Variants in COMMD1 observed in about 807,000 individuals in gnomAD.
COMMD1 encodes copper metabolism domain containing 1.
COMMD1 carries 10 observed loss-of-function variants against 17.2 expected under a neutral mutation model. That is an observed-to-expected ratio of 0.58 (90% confidence interval 0.36 to 0.99). The LOEUF (loss-of-function observed/expected upper bound fraction) is 0.99, where lower values mean the gene tolerates loss of function less well. Among genes scored for constraint, COMMD1 ranks in the 50% least tolerant of loss-of-function variants. The pLI is 0.01. For missense variants in COMMD1, 270 were observed against 231.8 expected, an observed-to-expected ratio of 1.17 and a Z score of -1.07; for synonymous variants, 97 against 91.6, an observed-to-expected ratio of 1.06 and a Z score of -0.34.
chr2:61,914,171 C>T (rs1403087957), intron 1 of COMMD1, among the ~76,000 whole-genome samples: 1 of 151,512 alleles, frequency 6.6e-6, no homozygotes, highest in African/African-American at 2.4e-5. Flanking sequence ...GACTCCATCT[C>T]AAATAAATAA....
At chr2:61,974,081 G>A (rs1671724074) in intron 1 of COMMD1, among the ~76,000 whole-genome samples, 1 of 152,116 alleles carries the variant, frequency 6.6e-6, no homozygotes, top group Non-Finnish European at 1.5e-5. Flanking sequence ...ATCACTTGAG[G>A]TCAGGAGTTT....
chr2:61,921,902 T>C lies in COMMD1; in HGVS notation c.180+16044T>C, dbSNP rs980269791. ...CTGGAAGATTGGTTTTTTAAACTAT[T>C]ATTTAACTTTACAGTTATTCTTGTT... On this transcript the variant is annotated intron_variant, in intron 1 of 2. Coordinates refer to ENST00000311832, the MANE Select transcript of COMMD1 (RefSeq NM_152516.4). Among the ~76,000 whole-genome samples, 3 of 152,154 alleles carry C rather than the reference T, an allele frequency of 2.0e-5. No individual in the cohort carries two copies. In the South Asian group the frequency reaches 6.2e-4, roughly 32 times the overall value.
At chr2:62,013,274 A>G (rs1484045282) in intron 2 of COMMD1, among the ~76,000 whole-genome samples, 1 of 152,098 alleles carries the variant, frequency 6.6e-6, no homozygotes, top group African/African-American at 2.4e-5. Flanking sequence ...AAAAAAATAC[A>G]AAACAACAAA....
intron 2 of COMMD1, among the ~76,000 whole-genome samples, chr2:62,089,359 C>T (rs1216246409): frequency 3.3e-5 from 5 of 149,984 alleles, no homozygotes; most frequent in South Asian, 4.2e-4. Context: ...GATCTTGGCT[C>T]GTTGCAACCT....
chr2:62,101,557 C>A (rs1265225712), intron 2 of COMMD1, among the ~76,000 whole-genome samples: 1 of 152,122 alleles, frequency 6.6e-6, no homozygotes, highest in African/African-American at 2.4e-5. Flanking sequence ...CTGCAGTGAT[C>A]CCTGATTGCA....
chr2:61,912,778 C>T (rs1375390411), intron 1 of COMMD1, among the ~76,000 whole-genome samples: 2 of 151,828 alleles, frequency 1.3e-5, no homozygotes, highest in Non-Finnish European at 2.9e-5. Flanking sequence ...ACTACATGCT[C>T]ATTTACTTAT....
chr2:62,110,711 G>A (rs983164890), intron 2 of COMMD1, among the ~76,000 whole-genome samples: 15 of 151,992 alleles, frequency 9.9e-5, no homozygotes, highest in Admixed American at 3.3e-4. Context: ...AATTCTGCTT[G>A]TACTTTAACC....
intron 2 of COMMD1, among the ~76,000 whole-genome samples, chr2:62,112,424 C>T (rs1328618800): frequency 2.0e-5 from 3 of 152,218 alleles, no homozygotes; most frequent in Admixed American, 6.5e-5. Flanking sequence ...GGAACAATGT[C>T]AGGCCCCAGG....
chr2:61,900,810 C>T (rs142197005), upstream of COMMD1, among the ~76,000 whole-genome samples: 18 of 152,122 alleles, frequency 1.2e-4, no homozygotes, highest in Non-Finnish European at 1.9e-4. Flanking sequence ...TTGTAGGCTA[C>T]ATTTGGTGGG....
At chr2:62,063,837 A>ACT (rs1216307081) in intron 2 of COMMD1, among the ~76,000 whole-genome samples, 1 of 135,292 alleles carries the variant, frequency 7.4e-6, no homozygotes, top group African/African-American at 2.7e-5. Flanking sequence ...ATTCTTCCAG[A>ACT]CTGGACAACA....
chr2:62,070,368 C>T (rs1420784168), intron 2 of COMMD1: 5 of 151,730 alleles, frequency 3.3e-5, no homozygotes, highest in Non-Finnish European at 5.9e-5. Flanking sequence ...CCAGCTTGCA[C>T]AACATAGCGA....
At chr2:62,076,277 A>G (rs1671334771) in intron 2 of COMMD1, among the ~76,000 whole-genome samples, 1 of 152,258 alleles carries the variant, frequency 6.6e-6, no homozygotes, top group African/African-American at 2.4e-5. Flanking sequence ...TTGTTAGGAA[A>G]GGATGATTGT....
intron 1 of COMMD1, among the ~76,000 whole-genome samples, chr2:61,945,976 C>A (rs1670894882): frequency 6.6e-6 from 1 of 152,130 alleles, no homozygotes; most frequent in Non-Finnish European, 1.5e-5. Flanking sequence ...AATGTTGATG[C>A]TAGAGGGGTG....
At chr2:61,981,064 T>C (rs533596693) in intron 1 of COMMD1, among the ~76,000 whole-genome samples, 1 of 152,334 alleles carries the variant, frequency 6.6e-6, no homozygotes, top group South Asian at 2.1e-4. Flanking sequence ...TCTTGTCAGA[T>C]GGATAGTTTA....
intron 1 of COMMD1, among the ~76,000 whole-genome samples, chr2:61,930,521 A>C (rs1186915365): frequency 1.3e-5 from 2 of 151,956 alleles, no homozygotes; most frequent in East Asian, 3.9e-4. Context: ...ATGCCATTGC[A>C]CTCTATCCTG....
rs1270446366 is a variant in COMMD1 at position 61,915,576 on chromosome 2, A to T, written c.180+9718A>T. The T allele has an allele frequency of 2.3e-5, 8 of 340,880 alleles. No homozygotes were observed. The Admixed American group carries it at 2.6e-4, about 11-fold the overall frequency. 21.1% of individuals were successfully genotyped at this position (340,880 alleles called of 1,614,324 possible). A position where few individuals can be genotyped will look rare whatever the true frequency, so the allele number is the denominator to read the frequency against. ...TGATCATGTCTCACTTGCAGCCTTG[A>T]CCTCTTGGGCTCCAATGATCCTCCC... On this transcript the variant is annotated intron_variant, in intron 1 of 2. Coordinates refer to ENST00000311832, the MANE Select transcript of COMMD1 (RefSeq NM_152516.4).
chr2:61,964,361 C>T (rs900227329), intron 1 of COMMD1, among the ~76,000 whole-genome samples: 1 of 152,120 alleles, frequency 6.6e-6, no homozygotes, highest in African/African-American at 2.4e-5. Context: ...ACTGGGACTA[C>T]AGGCATGGAG....
chr2:62,070,558 A>AAC (rs1055847402), intron 2 of COMMD1, among the ~76,000 whole-genome samples: 1 of 151,402 alleles, frequency 6.6e-6, no homozygotes, highest in Non-Finnish European at 1.5e-5. Context: ...TAAAAAAAAA[A>AAC]AAAAAACAAC....
At chr2:62,109,849 A>G (rs1385479768) in intron 2 of COMMD1, among the ~76,000 whole-genome samples, 1 of 151,724 alleles carries the variant, frequency 6.6e-6, no homozygotes, top group African/African-American at 2.4e-5. Flanking sequence ...TATCCCCTTG[A>G]ATAAACTACC....
Sources: gnomAD v4.1 joint callset for allele counts (sites outside exome capture counted in the v4.1 genomes callset) on GRCh38, gnomAD v4.1.1 for gene constraint, MANE v1.5 for transcripts, NCBI Gene and HGNC (gene_info 2026-07-23, HGNC 2026-07-21) for gene names.